Variants in LINGO2 observed in about 807,000 individuals in gnomAD.
LINGO2 encodes the protein leucine-rich repeat and immunoglobulin-like domain-containing nogo receptor-interacting protein 2.
In LINGO2, 14 loss-of-function variants were observed where a neutral mutation model predicts 30.6. That is an observed-to-expected ratio of 0.46 (90% CI 0.30 to 0.72). The LOEUF (loss-of-function observed/expected upper bound fraction) is 0.72, where lower values mean the gene tolerates loss of function less well. Among genes scored for constraint, LINGO2 ranks in the 30% least tolerant of loss-of-function variants. The probability of loss-of-function intolerance (pLI) is 0.07; values close to 1 mark genes in which losing one functional copy is unlikely to be tolerated. For synonymous variants in LINGO2, 317 were observed against 288.5 expected (o/e 1.10, Z -1.00); for missense variants, 729 against 751.7 (o/e 0.97, Z 0.35).
intron 4 of LINGO2, among the ~76,000 whole-genome samples, chr9:28,047,162 G>C (rs897618342): frequency 6.6e-6 from 1 of 152,138 alleles, no homozygotes; most frequent in African/African-American, 2.4e-5. Flanking sequence ...GGTAGGTATT[G>C]CAAGGGTGGA....
chr9:28,009,380 C>T (rs1248495519), intron 5 of LINGO2, among the ~76,000 whole-genome samples: 2 of 150,450 alleles, frequency 1.3e-5, no homozygotes, highest in Non-Finnish European at 3.0e-5. Context: ...AAAATGGGCT[C>T]TATCAAAATG....
intron 3 of LINGO2, among the ~76,000 whole-genome samples, chr9:28,304,711 T>G (rs2134223978): frequency 6.6e-6 from 1 of 152,214 alleles, no homozygotes; most frequent in Admixed American, 6.5e-5. Flanking sequence ...TTTAGGTATT[T>G]GTTTAGATCT....
At chr9:28,186,748 G>A (rs1449141442) in intron 4 of LINGO2, among the ~76,000 whole-genome samples, 1 of 152,110 alleles carries the variant, frequency 6.6e-6, no homozygotes, top group African/African-American at 2.4e-5. Context: ...GCAGAGGAAA[G>A]AACAGATGCG....
chr9:28,237,141 A>G (rs998141085), intron 4 of LINGO2, among the ~76,000 whole-genome samples: 1 of 149,376 alleles, frequency 6.7e-6, no homozygotes, highest in Admixed American at 6.7e-5. Context: ...AGTTAAATGT[A>G]GGATTTTTAT....
the LINGO2 span, among the ~76,000 whole-genome samples, chr9:29,018,804 C>G: frequency 6.6e-6 from 1 of 152,268 alleles, no homozygotes; most frequent in South Asian, 2.1e-4. Context: ...AAAGATATCT[C>G]AAGCAAAAAT....
the LINGO2 span, among the ~76,000 whole-genome samples, chr9:28,907,662 T>C: frequency 6.6e-6 from 1 of 151,756 alleles, no homozygotes; most frequent in African/African-American, 2.4e-5. Context: ...AGAAGCTATG[T>C]CAATTACAAT....
intron 4 of LINGO2, among the ~76,000 whole-genome samples, chr9:28,204,381 A>G (rs2133832491): frequency 6.6e-6 from 1 of 152,328 alleles, no homozygotes; most frequent in South Asian, 2.1e-4. Context: ...TTTTAACAAA[A>G]GGACCTACTC....
chr9:28,747,412 C>G, the LINGO2 span, among the ~76,000 whole-genome samples: 16 of 151,982 alleles, frequency 1.1e-4, no homozygotes, highest in African/African-American at 3.1e-4. Context: ...CGTGCATGAC[C>G]GGATTCTTCC....
At chr9:29,077,997 G>T in the LINGO2 span, among the ~76,000 whole-genome samples, 3 of 151,916 alleles carry the variant, frequency 2.0e-5, no homozygotes, top group Non-Finnish European at 4.4e-5. Flanking sequence ...TACAATCAGA[G>T]TACTAGAGGA....
chr9:28,624,674 G>C (rs1303846352), intron 1 of LINGO2, among the ~76,000 whole-genome samples: 1 of 151,212 alleles, frequency 6.6e-6, no homozygotes, highest in Admixed American at 6.6e-5. Flanking sequence ...TATCAGGGTA[G>C]TATTGGCCTT....
At chr9:28,301,376 AC>A (rs1824136780) in intron 3 of LINGO2, among the ~76,000 whole-genome samples, 3 of 151,576 alleles carry the variant, frequency 2.0e-5, no homozygotes, top group Non-Finnish European at 4.4e-5. Flanking sequence ...AAAAAAAAAA[AC>A]AAAAAAAACA....
chr9:28,458,412 T>A (rs1824939894), intron 2 of LINGO2, among the ~76,000 whole-genome samples: 1 of 152,180 alleles, frequency 6.6e-6, no homozygotes, highest in Non-Finnish European at 1.5e-5. Context: ...TCTTGTTATT[T>A]GTCTCATGAC....
chr9:28,750,831 C>T, the LINGO2 span, among the ~76,000 whole-genome samples: 130 of 152,158 alleles, frequency 8.5e-4, 2 homozygotes, highest in African/African-American at 2.9e-3. Context: ...CGGTCTGCCA[C>T]GGACCTTTTG....
Position 28,137,196 on chromosome 9 carries a change from C to CTG in LINGO2, c.-86-124793_-86-124792dup, listed in dbSNP as rs201280083. 6.7e-3 allele frequency among the ~76,000 whole-genome samples: 299 copies of CTG among 44,708 alleles called. 2 individuals carry two copies. Among genetic ancestry groups the CTG allele is most frequent in the African/African-American group, 0.024 (281 of 11,848 alleles). 29.3% of individuals were successfully genotyped at this position (44,708 alleles called of 152,430 possible). A position where few individuals can be genotyped will look rare whatever the true frequency, so the allele number is the denominator to read the frequency against. Reference sequence around the variant, plus strand: ...ATATTCATACATATATAGAAAATCCCTGACACACACACACACACACACACA... The same window carrying CTG: ...ATATTCATACATATATAGAAAATCCCTGTGACACACACACACACACACACACA... On this transcript the variant is annotated intron_variant, in intron 4 of 5. Transcript: ENST00000379992.
chr9:28,282,030 T>A (rs1279319431), intron 4 of LINGO2, among the ~76,000 whole-genome samples: 1 of 152,120 alleles, frequency 6.6e-6, no homozygotes, highest in Non-Finnish European at 1.5e-5. Flanking sequence ...CCTTAAATTA[T>A]GCCCCTGAAT....
chr9:29,002,522 C>G, the LINGO2 span, among the ~76,000 whole-genome samples: 1 of 152,022 alleles, frequency 6.6e-6, no homozygotes, highest in Non-Finnish European at 1.5e-5. Flanking sequence ...AGAATCTGCA[C>G]CACTGCATAA....
the LINGO2 span, among the ~76,000 whole-genome samples, chr9:29,192,769 T>G: frequency 6.6e-6 from 1 of 152,098 alleles, no homozygotes; most frequent in Non-Finnish European, 1.5e-5. Flanking sequence ...GGGTCATAGG[T>G]TTTAAGAAAC....
At chr9:27,951,741 G>T (rs1049954237) in intron 5 of LINGO2, among the ~76,000 whole-genome samples, 3 of 152,024 alleles carry the variant, frequency 2.0e-5, no homozygotes, top group South Asian at 2.1e-4. Flanking sequence ...TTTAATTAAG[G>T]TTCAGTAGTT....
chr9:29,166,392 G>T, the LINGO2 span, among the ~76,000 whole-genome samples: 25,483 of 151,786 alleles, frequency 0.17, 2,256 homozygotes, highest in East Asian at 0.38. Flanking sequence ...GAGGTATATA[G>T]AGAGAAAGAC....
Sources: gnomAD v4.1 joint callset for allele counts (sites outside exome capture counted in the v4.1 genomes callset) on GRCh38, gnomAD v4.1.1 for gene constraint, MANE v1.5 for transcripts, NCBI Gene and HGNC (gene_info 2026-07-23, HGNC 2026-07-21) for gene names.